Variants in ATP12A observed in about 807,000 individuals in gnomAD.
ATP12A encodes ATPase H+/K+ transporting non-gastric alpha2 subunit, also known as potassium-transporting ATPase alpha chain 2.
A neutral mutation model predicts 111.2 loss-of-function variants in ATP12A; 81 were observed. The observed-to-expected ratio is 0.73, with a 90% CI of 0.61 to 0.88. The LOEUF is 0.88. Among genes scored for constraint, ATP12A ranks in the 40% least tolerant of loss-of-function variants. The pLI, the probability that ATP12A is intolerant of heterozygous loss-of-function variation, is 0.00. For missense variants in ATP12A, 1,196 were observed against 1,313.1 expected (o/e 0.91, Z 1.38); for synonymous variants, 498 against 499.8 (o/e 1.00, Z 0.05).
chr13:24,689,734 G>A (rs1192569495), intron 5 of ATP12A, among the ~76,000 whole-genome samples: 2 of 152,084 alleles, frequency 1.3e-5, no homozygotes, highest in African/African-American at 2.4e-5. Flanking sequence ...TTTTGCTCCT[G>A]AGCCCCAGAA....
rs745443085 is a variant in ATP12A, at chr13:24,691,227, G to A, written c.1045G>A (p.Glu349Lys). 6 of 1,613,070 alleles carry A rather than the reference G, an allele frequency of 3.7e-6. No homozygotes were observed. The highest frequency in any genetic ancestry group is 1.3e-5 in the African/African-American group (1 of 74,866). Residue 349 changes from glutamate to lysine, a missense_variant, in exon 8 of 23, where the codon GAG (glutamate) becomes AAG (lysine). By Grantham distance (56) the Glu-to-Lys change is moderately conservative (BLOSUM62 1). Around this residue, in one of 3 missense-constraint regions of ATP12A, gnomAD observed 1,126 missense variants for 1,228.5 expected, o/e 0.92. Coordinates refer to ENST00000381946, the MANE Select transcript of ATP12A (RefSeq NM_001676.7). ...TGGCATCATTGTGGCCAATGTGCCC[G>A]AGGGCCTCCTGGCCACTGTCACTGT... is the stretch of plus-strand genomic sequence containing the variant. ...LIGIIVANVPEGLLATVTVTL... is the reference protein window; with the variant it reads ...LIGIIVANVPKGLLATVTVTL...
chr13:24,701,501 CAAAA>C (rs10586421), intron 13 of ATP12A, among the ~76,000 whole-genome samples: 17 of 101,386 alleles, frequency 1.7e-4, no homozygotes, highest in African/African-American at 5.5e-4. Context: ...AACTCTGTCT[CAAAA>C]AAAAAAAAAA....
intron 11 of ATP12A, 116 bp downstream of exon 11, chr13:24,694,694 C>T (rs1347664978): frequency 1.1e-5 from 16 of 1,506,316 alleles, no homozygotes; most frequent in Non-Finnish European, 1.4e-5. Flanking sequence ...AGACAGTCGT[C>T]AGGGATACAG....
chr13:24,708,952 A>AGAAAGAAAGAAG (rs1250385640), intron 17 of ATP12A, among the ~76,000 whole-genome samples: 2 of 140,492 alleles, frequency 1.4e-5, no homozygotes, highest in African/African-American at 5.3e-5. Context: ...AAAGAAAGAA[A>AGAAAGAAAGAAG]GAAAGAAAGA....
chr13:24,708,946 A>AAAGGAAGGAAGGAAGG (rs1555255696), intron 17 of ATP12A, among the ~76,000 whole-genome samples: 15 of 100,234 alleles, frequency 1.5e-4, no homozygotes, highest in Non-Finnish European at 1.9e-4. Context: ...AGAAAGAAAG[A>AAAGGAAGGAAGGAAGG]AAGAAAGAAA....
chr13:24,681,043 C>G (rs775713606), intron 1 of ATP12A, among the ~76,000 whole-genome samples: 4 of 152,216 alleles, frequency 2.6e-5, no homozygotes, highest in Non-Finnish European at 5.9e-5. Context: ...CGGGCTCCGA[C>G]TCGGAGGATG....
intron 7 of ATP12A, 126 bp downstream of exon 7, chr13:24,690,847 G>T: frequency 6.9e-7 from 1 of 1,457,732 alleles, no homozygotes; most frequent in Non-Finnish European, 9.4e-7. Context: ...GAACTGAAGG[G>T]CCTAGAGGAC....
chr13:24,710,147 A>G (rs3783058), intron 19 of ATP12A, among the ~76,000 whole-genome samples: 10,951 of 152,262 alleles, frequency 0.072, 590 homozygotes, highest in South Asian at 0.16. Context: ...GCTAATGCCT[A>G]TAATCCCAGC....
rs1203023670 is a variant in ATP12A, at chr13:24,712,374, T to C, written c.*852T>C. On this transcript the variant is annotated 3_prime_UTR_variant, in exon 23 of 23. Transcript: ENST00000381946. ...TCCAGCAATAACGTTTTGTCAGTCA[T>C]GTTTCATGTTTTAACTTAGGTGTAT... The C allele has an allele frequency of 1.3e-5, 2 of 152,242 alleles. No individual in the cohort carries two copies. Among genetic ancestry groups the C allele is most frequent in the African/African-American group, 2.4e-5 (1 of 41,462 alleles). The allele number at this position is 152,242 out of a possible 1,614,324, so 9.4% of individuals were successfully genotyped here.
intron 14 of ATP12A, chr13:24,703,658 G>C (rs1000711303): frequency 2.0e-5 from 3 of 152,112 alleles, no homozygotes; most frequent in Non-Finnish European, 4.4e-5. Context: ...ACTACCTTCA[G>C]ACCAGCCGAG....
intron 3 of ATP12A, among the ~76,000 whole-genome samples, chr13:24,686,687 G>C (rs563502992): frequency 1.1e-4 from 17 of 151,692 alleles, no homozygotes; most frequent in East Asian, 5.8e-4. Context: ...TGCAGTGAGC[G>C]GAGATCGCGC....
intron 2 of ATP12A, among the ~76,000 whole-genome samples, chr13:24,684,184 G>C (rs61948075): frequency 0.38 from 58,152 of 151,836 alleles, 11,975 homozygotes; most frequent in Non-Finnish European, 0.46. Flanking sequence ...GGGTTGTGCT[G>C]TGCTCTGTGC....
chr13:24,694,861 T>TCACA (rs773803839), intron 11 of ATP12A, among the ~76,000 whole-genome samples: 52 of 42,118 alleles, frequency 1.2e-3, no homozygotes, highest in South Asian at 2.4e-3. Flanking sequence ...TCTCTCTCTC[T>TCACA]CACACACACA....
chr13:24,688,237 A>G (rs61948077), intron 3 of ATP12A, 82 bp from the exon 4 acceptor site: 62,903 of 1,467,126 alleles, frequency 0.043, 1,616 homozygotes, highest in Non-Finnish European at 0.049. Flanking sequence ...CTGCAAAAAT[A>G]TGCAGCCCAA....
intron 14 of ATP12A, among the ~76,000 whole-genome samples, chr13:24,702,975 A>G (rs1875460823): frequency 6.6e-6 from 1 of 152,188 alleles, no homozygotes; most frequent in African/African-American, 2.4e-5. Context: ...GGAAAGACCA[A>G]TGCACCTCTT....
At chr13:24,691,748 C>A (rs559721554) in intron 8 of ATP12A, among the ~76,000 whole-genome samples, 1 of 152,138 alleles carries the variant, frequency 6.6e-6, no homozygotes, top group Admixed American at 6.5e-5. Context: ...TAGAGAAGAG[C>A]CCCCTCCTCC....
intron 10 of ATP12A, 51 bp from the exon 11 acceptor site, chr13:24,694,393 T>A (rs772237765): frequency 1.2e-6 from 2 of 1,608,162 alleles, no homozygotes; most frequent in South Asian, 2.2e-5. Flanking sequence ...GCTGAGGGCA[T>A]GTTGGTTCAT....
intron 17 of ATP12A, among the ~76,000 whole-genome samples, chr13:24,708,958 AAAG>A (rs1189404374): frequency 1.9e-4 from 21 of 111,434 alleles, no homozygotes; most frequent in Admixed American, 1.1e-3. Context: ...AGAAAGAAAG[AAAG>A]AAGGAAAGAG....
intron 17 of ATP12A, 119 bp downstream of exon 17, chr13:24,707,552 G>A: frequency 1.5e-6 from 2 of 1,332,046 alleles, no homozygotes; most frequent in Non-Finnish European, 2.1e-6. Flanking sequence ...TCCATGTGAT[G>A]GGGCCTGTAG....
Sources: gnomAD v4.1 joint callset for allele counts (sites outside exome capture counted in the v4.1 genomes callset) on GRCh38, gnomAD v4.1.1 for gene constraint, gnomAD v4.1.1 regional missense constraint, MANE v1.5 for transcripts, NCBI Gene and HGNC (gene_info 2026-07-23, HGNC 2026-07-21) for gene names.